The following UBE2L6 variants were observed in gnomAD, a reference collection of about 807,000 sequenced individuals.
The protein encoded by UBE2L6 is ubiquitin conjugating enzyme E2 L6.
UBE2L6 carries 11 observed loss-of-function variants against 13.6 expected under a neutral mutation model. That is an observed-to-expected ratio of 0.81 (90% CI 0.51 to 1.34). UBE2L6 has a LOEUF of 1.34. UBE2L6 is among the 40% of genes most tolerant of loss of function. UBE2L6 has a pLI of 0.00. For missense variants in UBE2L6, 197 were observed against 199.5 expected (o/e 0.99, Z 0.07); for synonymous variants, 74 against 83.2 (o/e 0.89, Z 0.60).
At chr11:57,564,901 T>A (rs1945075303) in intron 1 of UBE2L6, among the ~76,000 whole-genome samples, 1 of 151,882 alleles carries the variant, frequency 6.6e-6, no homozygotes. Flanking sequence ...AGATGACCAA[T>A]TAAATATAAT....
rs1944962747 is a variant in UBE2L6, at chr11:57,552,035, G to A, written c.*323C>T. The A allele has an allele frequency of 3.6e-6, 1 of 280,316 alleles. No individual in the cohort carries two copies. The highest frequency in any genetic ancestry group is 6.8e-6 in the Non-Finnish European group (1 of 147,396). The allele number at this position is 280,316 out of a possible 1,614,324, so 17.4% of individuals were successfully genotyped here. A position where few individuals can be genotyped will look rare whatever the true frequency, so the allele number is the denominator to read the frequency against. On this transcript the variant is annotated 3_prime_UTR_variant, in exon 4 of 4. Coordinates refer to ENST00000287156, the MANE Select transcript of UBE2L6 (RefSeq NM_004223.5). ...TGCTGGATTCATTTCCTGCAAGCAG[G>A]CCTGCAAGGTGACCTGTCTCTCTAA...
chr11:57,563,914 A>C lies in UBE2L6; in HGVS notation c.28-3482T>G, dbSNP rs116336452. ...GAGACTCCGTCTCAAAAATAAAAAA[A>C]AAGAATAAACAAAGAATGAAGTATG... is the stretch of plus-strand genomic sequence containing the variant. On this transcript the variant is annotated intron_variant, in intron 1 of 3. Coordinates refer to ENST00000287156, the MANE Select transcript of UBE2L6 (RefSeq NM_004223.5). Among the ~76,000 whole-genome samples, 1,294 of 152,328 alleles carry C rather than the reference A, an allele frequency of 8.5e-3. 11 individuals carry two copies. The highest frequency in any genetic ancestry group is 0.029 in the African/African-American group (1,195 of 41,580).
Position 57,567,612 on chromosome 11 carries a change from G to T in UBE2L6, c.-1C>A. On this transcript the variant is annotated 5_prime_UTR_variant, in exon 1 of 4. Coordinates refer to ENST00000287156, the MANE Select transcript of UBE2L6 (RefSeq NM_004223.5). The stretch of plus-strand genomic sequence containing the variant: ...TCACCACTCGCATGCTCGCCATCAT[G>T]TCGGGACCGAGTGTGTGGCACCCGT... The T allele has an allele frequency of 6.2e-7, 1 of 1,608,158 alleles. No homozygotes were observed. Among genetic ancestry groups the T allele is most frequent in the Admixed American group, 1.7e-5 (1 of 59,118 alleles).
intron 2 of UBE2L6, among the ~76,000 whole-genome samples, chr11:57,555,761 ATAG>A (rs1944992553): frequency 6.6e-6 from 1 of 152,068 alleles, no homozygotes; most frequent in African/African-American, 2.4e-5. Context: ...AATTTTTTTG[ATAG>A]GGTCTCACTG....
At chr11:57,561,364 A>G (rs1945045647) in intron 1 of UBE2L6, among the ~76,000 whole-genome samples, 1 of 152,204 alleles carries the variant, frequency 6.6e-6, no homozygotes, top group South Asian at 2.1e-4. Flanking sequence ...CCCAACAGCC[A>G]TTACTGAGCA....
In UBE2L6 at chr11:57,552,196, T is replaced by C. The variant is rs2135271428; in HGVS notation, c.*162A>G. 3 of 1,020,208 alleles carry C rather than the reference T, an allele frequency of 2.9e-6. No individual in the cohort carries two copies. The highest frequency in any genetic ancestry group is 4.8e-5 in the East Asian group (2 of 41,286). The allele number at this position is 1,020,208 out of a possible 1,614,324, so 63.2% of individuals were successfully genotyped here. On this transcript the variant is annotated 3_prime_UTR_variant, in exon 4 of 4. Transcript: ENST00000287156. ...AGTCCATACACAACACACACACTCA[T>C]AGCTCCCTTCCCTCCACCACACACA... is the stretch of plus-strand genomic sequence containing the variant.
intron 2 of UBE2L6, among the ~76,000 whole-genome samples, chr11:57,556,323 G>A (rs1011339560): frequency 5.3e-5 from 8 of 152,120 alleles, no homozygotes; most frequent in Admixed American, 3.9e-4. Flanking sequence ...GATGGCTCAC[G>A]TTTGTAATCC....
chr11:57,552,512 G>A lies in UBE2L6; in HGVS notation c.311-3C>T, dbSNP rs367705010. 1 of 1,614,120 alleles carries A rather than the reference G, an allele frequency of 6.2e-7. No homozygotes were observed. On this transcript the variant is annotated splice_region_variant and splice_polypyrimidine_tract_variant and intron_variant, in intron 3 of 3. Coordinates refer to ENST00000287156, the MANE Select transcript of UBE2L6 (RefSeq NM_004223.5). ...CAGCACATTGAGGGCCTCCAGGACT[G>A]GGGAGAGACAGGCCAGATCAGGATA...
chr11:57,564,757 C>T (rs1945073687), intron 1 of UBE2L6, among the ~76,000 whole-genome samples: 1 of 150,042 alleles, frequency 6.7e-6, no homozygotes, highest in South Asian at 2.1e-4. Context: ...GAGCTGAGAT[C>T]GTGCCATTGC....
chr11:57,553,878 G>A (rs537842858), intron 3 of UBE2L6, among the ~76,000 whole-genome samples: 2 of 152,310 alleles, frequency 1.3e-5, no homozygotes, highest in African/African-American at 2.4e-5. Context: ...TGTGGCTTGC[G>A]AGTCAGCCAA....
intron 1 of UBE2L6, among the ~76,000 whole-genome samples, chr11:57,562,429 C>G (rs1590810774): frequency 1.3e-5 from 2 of 152,366 alleles, no homozygotes; most frequent in East Asian, 1.9e-4. Flanking sequence ...GAACACAAGC[C>G]TGGCTGGCTT....
In UBE2L6 at chr11:57,552,384, G is replaced by A. The variant is rs142059964; in HGVS notation, c.436C>T (p.Arg146Ter). 72 of 1,614,074 alleles carry A rather than the reference G, an allele frequency of 4.5e-5. No individual in the cohort carries two copies. The African/African-American group carries it at 5.3e-4, about 12-fold the overall frequency. ...FRKNAEEFTL[R>*]FGVDRPS ...TAGGAGGGCCGGTCCACTCCGAATCGGAGGGTGAACTCTTCGGCATTCTTT... is the reference window on the plus strand; with the variant it reads ...TAGGAGGGCCGGTCCACTCCGAATCAGAGGGTGAACTCTTCGGCATTCTTT... Residue 146 changes from arginine to a stop codon, truncating the protein, a stop_gained, in exon 4 of 4, where the codon CGA (arginine) becomes TGA (stop). Coordinates refer to ENST00000287156, the MANE Select transcript of UBE2L6 (RefSeq NM_004223.5). LOFTEE classifies it high-confidence loss of function.
chr11:57,557,695 C>G (rs1328614857), intron 2 of UBE2L6, among the ~76,000 whole-genome samples: 2 of 152,102 alleles, frequency 1.3e-5, no homozygotes, highest in African/African-American at 4.8e-5. Flanking sequence ...TGCCCAGCGC[C>G]ATGCTTCTTG....
intron 1 of UBE2L6, among the ~76,000 whole-genome samples, chr11:57,563,896 C>T (rs1021658168): frequency 1.3e-4 from 19 of 151,792 alleles, no homozygotes; most frequent in African/African-American, 3.6e-4. Context: ...AGCGAGACTC[C>T]GTCTCAAAAA....
intron 2 of UBE2L6, among the ~76,000 whole-genome samples, chr11:57,557,674 G>T (rs1945008457): frequency 6.6e-6 from 1 of 152,124 alleles, no homozygotes; most frequent in Non-Finnish European, 1.5e-5. Context: ...GATTATAGAC[G>T]TGAGCCACCA....
intron 1 of UBE2L6, chr11:57,567,319 T>C (rs1174314248): frequency 1.0e-5 from 6 of 573,788 alleles, no homozygotes; most frequent in Admixed American, 3.0e-5. Flanking sequence ...AAAAGCGAAA[T>C]TGAAACCAGT....
intron 2 of UBE2L6, among the ~76,000 whole-genome samples, chr11:57,558,612 T>C (rs1214639108): frequency 2.0e-5 from 3 of 152,166 alleles, no homozygotes; most frequent in Non-Finnish European, 4.4e-5. Flanking sequence ...AAACAGCACT[T>C]GGTCCACAGG....
chr11:57,562,204 G>A (rs1945052901), intron 1 of UBE2L6, among the ~76,000 whole-genome samples: 1 of 152,200 alleles, frequency 6.6e-6, no homozygotes, highest in Admixed American at 6.5e-5. Context: ...TCATAGACCC[G>A]TGGTGGTGGT....
In UBE2L6 at chr11:57,552,359, T is replaced by C; in HGVS notation, c.461A>G (p.Ter154=). ...TLRFGVDRPS[*] ...GTGCACAGAGGGTCAGAACATGAGT[T>C]AGGAGGGCCGGTCCACTCCGAATCG... is the stretch of plus-strand genomic sequence containing the variant. The change falls in exon 4 of 4, where the codon TAA becomes TGA. Residue 154 remains the stop codon, a stop_retained_variant. Coordinates refer to ENST00000287156, the MANE Select transcript of UBE2L6 (RefSeq NM_004223.5). 1 of 1,614,060 alleles carries C rather than the reference T, an allele frequency of 6.2e-7. No individual in the cohort carries two copies. Among genetic ancestry groups the C allele is most frequent in the Non-Finnish European group, 8.5e-7 (1 of 1,179,974 alleles).
Sources: allele counts gnomAD v4.1 joint callset (sites outside exome capture counted in the v4.1 genomes callset), GRCh38; gene constraint gnomAD v4.1.1; transcripts MANE v1.5; gene names NCBI Gene and HGNC (gene_info 2026-07-23, HGNC 2026-07-21).